SCN7A: variants seen among roughly 807,000 people sequenced by gnomAD.
SCN7A encodes the protein sodium channel protein type 7 subunit alpha.
In SCN7A, 138 loss-of-function variants were observed where a neutral mutation model predicts 155.2. That is an observed-to-expected ratio of 0.89 (90% CI 0.77 to 1.02). The LOEUF (loss-of-function observed/expected upper bound fraction) is 1.02. SCN7A is among the 50% of genes least tolerant of loss of function. The pLI, the probability that SCN7A is intolerant of heterozygous loss-of-function variation, is 0.00. For missense variants in SCN7A, 2,058 were observed against 1,986.6 expected (o/e 1.04, Z -0.68); for synonymous variants, 693 against 649.0 (o/e 1.07, Z -1.03).
chr2:166,437,085 A>G (rs899525862), intron 15 of SCN7A, among the ~76,000 whole-genome samples: 2 of 152,242 alleles, frequency 1.3e-5, no homozygotes, highest in Non-Finnish European at 2.9e-5. Flanking sequence ...TAATGTCTCC[A>G]GGGCATGTCA....
intron 10 of SCN7A, among the ~76,000 whole-genome samples, chr2:166,458,586 T>C (rs72623159): frequency 0.11 from 16,227 of 152,196 alleles, 960 homozygotes; most frequent in East Asian, 0.22. Flanking sequence ...TCTCAAAAGA[T>C]TCCAAAGGAG....
In SCN7A at chr2:166,432,458, C is replaced by T. The variant is rs142836858; in HGVS notation, c.2452G>A (p.Ala818Thr). The change falls in exon 16 of 26, where the codon GCT (alanine) becomes ACT (threonine). Residue 818 changes from alanine (A) to threonine (T), a missense_variant. By Grantham distance (58) the Ala-to-Thr change is moderately conservative (BLOSUM62 0). Coordinates refer to ENST00000643258, the MANE Select transcript of SCN7A (RefSeq NM_002976.4). ...AGTGATTGGCTCTCATTTTCAGTAG[C>T]GTTTTTCTCTGTGCCACTGCTTTTT... ...KEKSSGTEKN[A>T]TENESQSLIP... 6.8e-6 allele frequency: 11 copies of T among 1,613,454 alleles called. No homozygotes were observed. Among genetic ancestry groups the T allele is most frequent in the South Asian group, 6.6e-5 (6 of 91,074 alleles).
chr2:166,451,491 T>G (rs2105453823), intron 11 of SCN7A, among the ~76,000 whole-genome samples: 1 of 152,290 alleles, frequency 6.6e-6, no homozygotes, highest in South Asian at 2.1e-4. Flanking sequence ...GGGGCTAGGA[T>G]TCTTTTTCTC....
intron 19 of SCN7A, among the ~76,000 whole-genome samples, chr2:166,422,978 T>C (rs999684935): frequency 6.6e-6 from 1 of 152,110 alleles, no homozygotes; most frequent in Non-Finnish European, 1.5e-5. Flanking sequence ...GATTTTAGGG[T>C]GCTGATATCA....
At chr2:166,445,219 G>A (rs1228145577) in intron 12 of SCN7A, among the ~76,000 whole-genome samples, 2 of 152,032 alleles carry the variant, frequency 1.3e-5, no homozygotes, top group Admixed American at 6.6e-5. Flanking sequence ...GGGAGGCCGA[G>A]GGAGGAGAAT....
At chr2:166,455,168 A>G (rs1333526418) in intron 11 of SCN7A, among the ~76,000 whole-genome samples, 1 of 152,172 alleles carries the variant, frequency 6.6e-6, no homozygotes, top group Admixed American at 6.5e-5. Flanking sequence ...TAATTTCTAA[A>G]TTATGGAAGG....
chr2:166,432,606 G>C lies in SCN7A; in HGVS notation c.2304C>G (p.Cys768Trp). ...TGTCCTTTGGGACATTTTGTGTTTT[G>C]CATAGTATTTTAAGAAGCACATAGT... ...GINYVLLKIL[C>W]KTQNVPKDTM... is the part of the protein sequence containing the mutation. Residue 768 changes from cysteine to tryptophan, a missense_variant, in exon 16 of 26, where the codon TGC becomes TGG. Transcript: ENST00000643258. 6.2e-7 allele frequency: 1 copy of C among 1,612,766 alleles called. No individual in the cohort carries two copies. The highest frequency in any genetic ancestry group is 1.1e-5 in the South Asian group (1 of 90,812).
intron 25 of SCN7A, 103 bp from the exon 26 acceptor site, chr2:166,406,749 A>T: frequency 1.2e-6 from 1 of 804,704 alleles, no homozygotes; most frequent in Non-Finnish European, 2.0e-6. Context: ...CTGTTTTATT[A>T]ATCCTTTATT....
At chr2:166,462,153 T>C (rs2105477089) in intron 10 of SCN7A, 1 of 174,010 alleles carries the variant, frequency 5.7e-6, no homozygotes, top group South Asian at 1.9e-4. Context: ...TCTCCTCTCT[T>C]CTCTCTCTCT....
rs753176390 is a variant in SCN7A at position 166,413,102 on chromosome 2, A to T, written c.3434T>A (p.Ile1145Asn). 1 of 1,532,168 alleles carries T rather than the reference A, an allele frequency of 6.5e-7. No individual in the cohort carries two copies. The highest frequency in any genetic ancestry group is 1.2e-5 in the South Asian group (1 of 80,246). The allele number at this position is 1,532,168 out of a possible 1,614,324, so 94.9% of individuals were successfully genotyped here. A position where few individuals can be genotyped will look rare whatever the true frequency, so the allele number is the denominator to read the frequency against. ...LLQVATFNGW[I>N]TIMNSAIDSV... ...ATCAATTGCTGAATTCATAATAGTG[A>T]TCCATCCATTAAATGTTGCCTGTAA... The change falls in exon 22 of 26, where the codon ATC (isoleucine) becomes AAC (asparagine). Residue 1145 changes from isoleucine (I) to asparagine (N), a missense_variant. Physicochemically the swap from Ile to Asn is moderately radical, Grantham distance 149 (BLOSUM62 -3). Transcript: ENST00000643258.
Position 166,414,003 on chromosome 2 carries a change from A to AT in SCN7A, c.3415-883_3415-882insA, listed in dbSNP as rs1559087795. On this transcript the variant is annotated intron_variant, in intron 21 of 25. Transcript: ENST00000643258. Reference sequence around the variant, plus strand: ...TGTGTATATATATATATATATATATAAATATACTATATATATGTAAATATA... The same window carrying AT: ...TGTGTATATATATATATATATATATATAATATACTATATATATGTAAATATA... Among the ~76,000 whole-genome samples the AT allele has an allele frequency of 5.1e-3, 427 of 84,072 alleles. 12 individuals carry two copies. The highest frequency in any genetic ancestry group is 0.022 in the East Asian group (80 of 3,578). 55.2% of individuals were successfully genotyped at this position (84,072 alleles called of 152,430 possible).
intron 24 of SCN7A, 52 bp from the exon 25 acceptor site, chr2:166,409,987 A>G: frequency 1.4e-6 from 2 of 1,419,008 alleles, no homozygotes; most frequent in South Asian, 1.5e-5. Flanking sequence ...ATACATATAC[A>G]TATATATGGT....
chr2:166,441,513 A>G lies in SCN7A; in HGVS notation c.2040T>C (p.Asn680=). Residue 680 remains asparagine (N), a synonymous_variant, in exon 15 of 26, where the codon AAT becomes AAC. Transcript: ENST00000643258. ...ACTCTCCACAGAGAATTCGGAACAC[A>G]TTCAGGAAGGAGTGGAAAAAGTCAT... The part of the protein sequence containing the change: ...HMHDFFHSFL[N]VFRILCGEWV... The G allele has an allele frequency of 1.2e-6, 2 of 1,614,112 alleles. No individual in the cohort carries two copies. Among genetic ancestry groups the G allele is most frequent in the Non-Finnish European group, 1.7e-6 (2 of 1,179,978 alleles).
chr2:166,416,099 G>T (rs897070170), intron 21 of SCN7A, among the ~76,000 whole-genome samples: 1 of 152,064 alleles, frequency 6.6e-6, no homozygotes, highest in South Asian at 2.1e-4. Flanking sequence ...ACTGAGATAC[G>T]CCCTGGTCTC....
chr2:166,489,815 C>T (rs1683044630), intron 1 of SCN7A, among the ~76,000 whole-genome samples: 1 of 152,120 alleles, frequency 6.6e-6, no homozygotes, highest in African/African-American at 2.4e-5. Flanking sequence ...ATTCTGGACT[C>T]AACTTTCTCA....
chr2:166,489,353 A>G (rs375642648), intron 1 of SCN7A, among the ~76,000 whole-genome samples: 67 of 152,330 alleles, frequency 4.4e-4, no homozygotes, highest in African/African-American at 1.5e-3. Flanking sequence ...ACATCTATGG[A>G]AAGAGTCCAA....
At chr2:166,441,058 G>C in intron 15 of SCN7A, 2 of 373,310 alleles carry the variant, frequency 5.4e-6, no homozygotes, top group Non-Finnish European at 9.5e-6. Context: ...TCAGACCATG[G>C]CTGACCACAG....
intron 1 of SCN7A, among the ~76,000 whole-genome samples, chr2:166,493,661 AT>A (rs1683164950): frequency 6.6e-6 from 1 of 152,188 alleles, no homozygotes; most frequent in Non-Finnish European, 1.5e-5. Flanking sequence ...AATGTAAGTC[AT>A]TGTCATATAG....
intron 22 of SCN7A, 107 bp from the exon 23 acceptor site, chr2:166,412,774 C>T: frequency 7.2e-7 from 1 of 1,388,072 alleles, no homozygotes; most frequent in Non-Finnish European, 9.4e-7. Context: ...GTTATGCTAC[C>T]TAAGAAACTG....
Sources: allele counts gnomAD v4.1 joint callset (sites outside exome capture counted in the v4.1 genomes callset), GRCh38; gene constraint gnomAD v4.1.1; transcripts MANE v1.5; gene names NCBI Gene and HGNC (gene_info 2026-07-23, HGNC 2026-07-21).